The following ARID1B variants were observed in gnomAD, a reference collection of about 807,000 sequenced individuals.
ARID1B encodes AT-rich interactive domain-containing protein 1B.
In ARID1B, 30 loss-of-function variants were observed where a neutral mutation model predicts 212.3. The observed-to-expected ratio is 0.14, with a 90% CI of 0.11 to 0.19. ARID1B has a LOEUF of 0.19. ARID1B is among the 10% of genes least tolerant of loss of function. ARID1B has a pLI of 1.00. For missense variants in ARID1B, 2,891 were observed against 3,204.0 expected, an observed-to-expected ratio of 0.90 and a Z score of 2.36; for synonymous variants, 1,402 against 1,301.7, an observed-to-expected ratio of 1.08 and a Z score of -1.66.
intron 4 of ARID1B, among the ~76,000 whole-genome samples, chr6:157,080,949 G>A (rs1375266496): frequency 2.0e-5 from 3 of 152,200 alleles, no homozygotes; most frequent in African/African-American, 7.2e-5. Flanking sequence ...TCAGTATTCC[G>A]AGTGATGTCA....
At position 156,982,840 on chromosome 6, in the gene ARID1B, G is replaced by T. The variant is rs1583075189; in HGVS notation, c.2247+47264G>T. ...GTTTCTTCTATTCCTTGCATTATCT[G>T]TTTCTTCTGAATTACCCTTTTTACT... On this transcript the variant is annotated intron_variant, in intron 4 of 19. Coordinates refer to ENST00000636930, the MANE Select transcript of ARID1B (RefSeq NM_001374828.1). Among the ~76,000 whole-genome samples, 3 of 151,968 alleles carry T rather than the reference G, an allele frequency of 2.0e-5. No homozygotes were observed. The East Asian group carries it at 5.8e-4, about 29-fold the overall frequency.
chr6:156,898,799 C>T (rs1788694555), intron 2 of ARID1B, among the ~76,000 whole-genome samples: 1 of 152,062 alleles, frequency 6.6e-6, no homozygotes, highest in Non-Finnish European at 1.5e-5. Context: ...TGGAGAAACC[C>T]TGTCTCTACT....
intron 4 of ARID1B, among the ~76,000 whole-genome samples, chr6:157,026,949 A>G (rs1259546595): frequency 6.6e-6 from 1 of 152,140 alleles, no homozygotes; most frequent in Non-Finnish European, 1.5e-5. Context: ...AGGTAGCCTC[A>G]GTTTCCTTCC....
At chr6:157,013,385 T>C (rs9478745) in intron 4 of ARID1B, among the ~76,000 whole-genome samples, 28,052 of 152,198 alleles carry the variant, frequency 0.18, 2,743 homozygotes, top group Non-Finnish European at 0.22. Context: ...GTACCATTCA[T>C]GTGAGATGGA....
chr6:156,787,550 T>C lies in ARID1B; in HGVS notation c.1791+8079T>C, dbSNP rs538725670. On this transcript the variant is annotated intron_variant, in intron 1 of 19. Coordinates refer to ENST00000636930, the MANE Select transcript of ARID1B (RefSeq NM_001374828.1). ...TTGAGAACCACCTTTTAAGATTCAG[T>C]GACCATATATCAAGCTACACACCCA... Among the ~76,000 whole-genome samples, 3 of 152,310 alleles carry C rather than the reference T, an allele frequency of 2.0e-5. No individual in the cohort carries two copies. In the South Asian group the frequency reaches 6.2e-4, roughly 32 times the overall value.
intron 1 of ARID1B, among the ~76,000 whole-genome samples, chr6:156,792,089 C>T (rs1255485393): frequency 1.3e-5 from 2 of 152,160 alleles, no homozygotes; most frequent in Non-Finnish European, 2.9e-5. Flanking sequence ...GAACTTTACT[C>T]ATATGAGAGT....
intron 9 of ARID1B, 43 bp downstream of exon 9, chr6:157,167,228 C>A (rs1483136109): frequency 2.5e-6 from 4 of 1,580,550 alleles, no homozygotes; most frequent in Non-Finnish European, 3.4e-6. Context: ...TCTCTCTCCC[C>A]TCTCCTCCTC....
At chr6:156,800,813 G>A (rs1780727291) in intron 1 of ARID1B, among the ~76,000 whole-genome samples, 1 of 152,044 alleles carries the variant, frequency 6.6e-6, no homozygotes, top group Admixed American at 6.6e-5. Flanking sequence ...AGGCTGAGGT[G>A]GAGGATCACC....
At chr6:157,036,958 A>G in intron 4 of ARID1B, 1 of 386,042 alleles carries the variant, frequency 2.6e-6, no homozygotes, top group Non-Finnish European at 5.1e-6. Flanking sequence ...GAGGGGACTT[A>G]TTTTTTTTTT....
Position 157,051,546 on chromosome 6 carries a change from C to G in ARID1B, c.2248-33116C>G, listed in dbSNP as rs146416958. Among the ~76,000 whole-genome samples, 412 of 152,178 alleles carry G rather than the reference C, an allele frequency of 2.7e-3. 5 individuals are homozygous for G. Among genetic ancestry groups the G allele is most frequent in the Middle Eastern group, 0.021 (6 of 290 alleles). ...TAATCTGTAACCTCTTAAATTCACT[C>G]TGTACTTTAGGTTATACTGAAATGT... On this transcript the variant is annotated intron_variant, in intron 4 of 19. Coordinates refer to ENST00000636930, the MANE Select transcript of ARID1B (RefSeq NM_001374828.1).
At chr6:156,799,836 C>T (rs1780655776) in intron 1 of ARID1B, among the ~76,000 whole-genome samples, 1 of 152,160 alleles carries the variant, frequency 6.6e-6, no homozygotes, top group South Asian at 2.1e-4. Flanking sequence ...TCTTCCTTTC[C>T]CTCCAAGAGG....
In ARID1B at chr6:156,777,626, TG is replaced by T. The variant is rs1363059279; in HGVS notation, c.-50del. On this transcript the variant is annotated 5_prime_UTR_variant, in exon 1 of 20. Transcript: ENST00000636930. ...ACAGGAGGGGCCGCGGCCTGAAAAG[TG>T]GGGGTTATTGTCTCCCCCCGCCCCC... The T allele has an allele frequency of 6.7e-6, 1 of 148,780 alleles. No homozygotes were observed. Among genetic ancestry groups the T allele is most frequent in the African/African-American group, 2.5e-5 (1 of 40,582 alleles). 9.2% of individuals were successfully genotyped at this position (148,780 alleles called of 1,614,324 possible). A position where few individuals can be genotyped will look rare whatever the true frequency, so the allele number is the denominator to read the frequency against.
chr6:156,890,646 G>C (rs1210306707), intron 2 of ARID1B, among the ~76,000 whole-genome samples: 1 of 152,242 alleles, frequency 6.6e-6, no homozygotes, highest in South Asian at 2.1e-4. Context: ...GCTTGTGGGT[G>C]TGGGTGGTCA....
chr6:156,922,428 C>A (rs1050784867), intron 3 of ARID1B, among the ~76,000 whole-genome samples: 8 of 152,164 alleles, frequency 5.3e-5, no homozygotes, highest in Non-Finnish European at 1.2e-4. Context: ...CCGCCTCGGC[C>A]TCCCAAGGTG....
intron 5 of ARID1B, among the ~76,000 whole-genome samples, chr6:157,089,867 A>G (rs1028934197): frequency 2.6e-5 from 4 of 151,464 alleles, no homozygotes; most frequent in African/African-American, 9.7e-5. Context: ...TATTCTAGTA[A>G]ATGATCCCAT....
intron 6 of ARID1B, among the ~76,000 whole-genome samples, chr6:157,117,608 G>T (rs1787407914): frequency 6.6e-6 from 1 of 152,202 alleles, no homozygotes; most frequent in Non-Finnish European, 1.5e-5. Context: ...GGACCCCCAT[G>T]TCGGCAGCAG....
intron 2 of ARID1B, among the ~76,000 whole-genome samples, chr6:156,880,607 C>A (rs985007177): frequency 2.6e-5 from 4 of 151,830 alleles, no homozygotes; most frequent in Admixed American, 1.3e-4. Context: ...GGCGTGGTGG[C>A]GCATGCCTGT....
intron 4 of ARID1B, among the ~76,000 whole-genome samples, chr6:157,079,997 A>G (rs1015520774): frequency 3.3e-5 from 5 of 152,210 alleles, no homozygotes; most frequent in Admixed American, 2.6e-4. Flanking sequence ...CTTTAAACCC[A>G]TGGGAAGTCA....
chr6:157,114,401 G>A (rs1787169150), intron 6 of ARID1B, among the ~76,000 whole-genome samples: 1 of 151,848 alleles, frequency 6.6e-6, no homozygotes, highest in Non-Finnish European at 1.5e-5. Context: ...GTGTGTGCCT[G>A]TAGTCCCAGC....
Sources: gnomAD v4.1 joint callset for allele counts (sites outside exome capture counted in the v4.1 genomes callset) on GRCh38, gnomAD v4.1.1 for gene constraint, MANE v1.5 for transcripts, NCBI Gene and HGNC (gene_info 2026-07-23, HGNC 2026-07-21) for gene names.